CCDC178: variants seen among roughly 807,000 people sequenced by gnomAD.
CCDC178 encodes the protein coiled-coil domain-containing protein 178.
A neutral mutation model predicts 117.4 loss-of-function variants in CCDC178; 126 were observed. The ratio of observed to expected loss-of-function variants is 1.07; its 90% CI spans 0.93 to 1.24. The LOEUF (loss-of-function observed/expected upper bound fraction) is 1.24. Among genes scored for constraint, CCDC178 ranks in the 50% most tolerant of loss-of-function variants. The probability of loss-of-function intolerance (pLI) is 0.00; values close to 1 mark genes in which losing one functional copy is unlikely to be tolerated. For synonymous variants in CCDC178, 283 were observed against 313.4 expected, an observed-to-expected ratio of 0.90 and a Z score of 1.02; for missense variants, 1,030 against 986.9, an observed-to-expected ratio of 1.04 and a Z score of -0.59.
intron 22 of CCDC178, among the ~76,000 whole-genome samples, chr18:32,939,221 A>G (rs2054186009): frequency 1.3e-5 from 2 of 152,048 alleles, no homozygotes; most frequent in African/African-American, 2.4e-5. Context: ...GAAATATTTG[A>G]TATGTGTTAA....
intron 12 of CCDC178, among the ~76,000 whole-genome samples, chr18:33,276,020 G>GTGAGTAAA (rs2059945976): frequency 2.1e-5 from 2 of 96,606 alleles, no homozygotes; most frequent in South Asian, 3.8e-4. Flanking sequence ...TGTTTCTAAA[G>GTGAGTAAA]TAAGTGAGTA....
chr18:33,115,340 G>T (rs1000746192), intron 20 of CCDC178, among the ~76,000 whole-genome samples: 28 of 151,936 alleles, frequency 1.8e-4, no homozygotes, highest in African/African-American at 6.3e-4. Flanking sequence ...TTATCAAAAT[G>T]TACTATATCC....
chr18:33,099,455 A>G lies in CCDC178; in HGVS notation c.2239-6545T>C, dbSNP rs62090753. Among the ~76,000 whole-genome samples the G allele has an allele frequency of 4.4e-3, 666 of 152,090 alleles. 1 individual carries two copies. Among genetic ancestry groups the G allele is most frequent in the Non-Finnish European group, 7.3e-3 (494 of 67,958 alleles). ...GGTATTGGTGCGGAGACTGATTCAT[A>G]GCATGTACAGGGGATATATTTTAGA... is the stretch of plus-strand genomic sequence containing the variant. On this transcript the variant is annotated intron_variant, in intron 20 of 22. Coordinates refer to ENST00000383096, the MANE Select transcript of CCDC178 (RefSeq NM_001105528.4).
intron 22 of CCDC178, 81 bp from the exon 23 acceptor site, chr18:32,938,172 A>G (rs2054162035): frequency 2.1e-6 from 2 of 948,076 alleles, no homozygotes; most frequent in Non-Finnish European, 3.4e-6. Context: ...AATCATACAC[A>G]TGGAAAACTT....
intron 21 of CCDC178, among the ~76,000 whole-genome samples, chr18:33,018,913 C>T (rs115241026): frequency 6.6e-6 from 1 of 152,008 alleles, no homozygotes; most frequent in African/African-American, 2.4e-5. Context: ...AAGGCTGTTA[C>T]AAAAATTCCC....
intron 2 of CCDC178, among the ~76,000 whole-genome samples, chr18:33,415,478 A>C (rs1234248541): frequency 6.6e-6 from 1 of 151,188 alleles, no homozygotes; most frequent in Admixed American, 6.6e-5. Flanking sequence ...GCATGTTCTC[A>C]CTCATAGGTG....
chr18:33,285,664 T>C (rs1193726798), intron 12 of CCDC178, among the ~76,000 whole-genome samples: 13 of 152,152 alleles, frequency 8.5e-5, no homozygotes, highest in Admixed American at 8.5e-4. Flanking sequence ...TAAAAATGGT[T>C]AAATATAAAT....
At chr18:32,949,507 T>C (rs1393906204) in intron 22 of CCDC178, among the ~76,000 whole-genome samples, 2 of 152,270 alleles carry the variant, frequency 1.3e-5, no homozygotes, top group East Asian at 1.9e-4. Context: ...TGTTAGGCAA[T>C]ATTAAATCTG....
intron 14 of CCDC178, among the ~76,000 whole-genome samples, chr18:33,259,199 A>G (rs193013702): frequency 7.2e-5 from 11 of 152,350 alleles, no homozygotes; most frequent in East Asian, 3.9e-4. Context: ...CTTCACAGAA[A>G]GCAGGGTAAA....
intron 3 of CCDC178, among the ~76,000 whole-genome samples, chr18:33,399,585 CA>C (rs2063683451): frequency 6.6e-6 from 1 of 152,194 alleles, no homozygotes; most frequent in Non-Finnish European, 1.5e-5. Flanking sequence ...CTCAGGAAAC[CA>C]CTTTCTTTGC....
intron 21 of CCDC178, among the ~76,000 whole-genome samples, chr18:33,086,292 A>AT (rs1555640100): frequency 1.3e-5 from 2 of 151,682 alleles, no homozygotes; most frequent in South Asian, 2.1e-4. Flanking sequence ...AATAATACTT[A>AT]TTTTTTATTA....
intron 14 of CCDC178, among the ~76,000 whole-genome samples, chr18:33,255,713 C>T (rs944872174): frequency 6.6e-6 from 1 of 151,816 alleles, no homozygotes; most frequent in Non-Finnish European, 1.5e-5. Context: ...AAAAAATGTA[C>T]AGTACATGTT....
intron 21 of CCDC178, among the ~76,000 whole-genome samples, chr18:33,025,308 A>G (rs746187669): frequency 1.3e-5 from 2 of 152,212 alleles, no homozygotes; most frequent in South Asian, 4.1e-4. Flanking sequence ...AAAATTCTAG[A>G]CAAAAATATC....
rs578206183 is a variant in CCDC178 at position 32,968,150 on chromosome 18, C to G, written c.2523+6397G>C. 3.3e-5 allele frequency among the ~76,000 whole-genome samples: 5 copies of G among 151,976 alleles called. No homozygotes were observed. The East Asian group carries it at 9.7e-4, about 29-fold the overall frequency. ...AAATCTCTCCCCATCCTCCTCTTCT[C>G]TAGCCTCTCCCCATTCTCTGATAAT... is the stretch of plus-strand genomic sequence containing the variant. On this transcript the variant is annotated intron_variant, in intron 22 of 22. Transcript: ENST00000383096.
chr18:33,196,205 A>C (rs1196942230), intron 20 of CCDC178, among the ~76,000 whole-genome samples: 2 of 152,162 alleles, frequency 1.3e-5, no homozygotes, highest in African/African-American at 4.8e-5. Context: ...GACCTCCAGG[A>C]GGGGCTGGAG....
At chr18:33,310,946 A>G (rs1398584843) in intron 11 of CCDC178, among the ~76,000 whole-genome samples, 1 of 152,144 alleles carries the variant, frequency 6.6e-6, no homozygotes, top group Non-Finnish European at 1.5e-5. Flanking sequence ...GTCTTCCTCT[A>G]TGATGTCCTG....
chr18:33,012,270 G>A (rs1410459350), intron 21 of CCDC178, among the ~76,000 whole-genome samples: 2 of 152,108 alleles, frequency 1.3e-5, no homozygotes, highest in African/African-American at 2.4e-5. Flanking sequence ...CATTGAAGAA[G>A]TGATCTGAAA....
chr18:32,993,590 A>C (rs2055439453), intron 21 of CCDC178, among the ~76,000 whole-genome samples: 1 of 152,156 alleles, frequency 6.6e-6, no homozygotes, highest in Non-Finnish European at 1.5e-5. Flanking sequence ...CTCTTGGGCC[A>C]AGCCCCAGTT....
Position 33,082,380 on chromosome 18 carries a change from G to A in CCDC178, c.2388+10381C>T, listed in dbSNP as rs574374471. Among the ~76,000 whole-genome samples, 31 of 152,288 alleles carry A rather than the reference G, an allele frequency of 2.0e-4. No individual in the cohort carries two copies. The South Asian group carries it at 5.4e-3, about 26-fold the overall frequency. On this transcript the variant is annotated intron_variant, in intron 21 of 22. Coordinates refer to ENST00000383096, the MANE Select transcript of CCDC178 (RefSeq NM_001105528.4). ...CCAGCTACTCAGGGGGCTGAGGTGG[G>A]AGGATCACCTGAGCCCAGGAGGCAG...
Sources: allele counts gnomAD v4.1 joint callset (sites outside exome capture counted in the v4.1 genomes callset), GRCh38; gene constraint gnomAD v4.1.1; transcripts MANE v1.5; gene names NCBI Gene and HGNC (gene_info 2026-07-23, HGNC 2026-07-21).